Variants in SORCS1 observed in about 807,000 individuals in gnomAD.
SORCS1 encodes VPS10 domain-containing receptor SorCS1.
In SORCS1, 60 loss-of-function variants were observed where a neutral mutation model predicts 146.1. That is an observed-to-expected ratio of 0.41 (90% CI 0.33 to 0.51). The LOEUF is 0.51. Ranked by LOEUF, SORCS1 falls within the 20% of genes least tolerant of loss-of-function variation. SORCS1 has a pLI of 0.21. For missense variants in SORCS1, 1,352 were observed against 1,487.6 expected, an observed-to-expected ratio of 0.91 and a Z score of 1.50; for synonymous variants, 637 against 584.0, an observed-to-expected ratio of 1.09 and a Z score of -1.31.
Position 106,842,749 on chromosome 10 carries a change from G to A in SORCS1, c.627-13076C>T, listed in dbSNP as rs530170784. On this transcript the variant is annotated intron_variant, in intron 2 of 25. Coordinates refer to ENST00000263054, the MANE Select transcript of SORCS1 (RefSeq NM_052918.5). ...CTGCCTCTGCTTCCTGAGTAGCTGG[G>A]ATTGCAGGCATGTGTCACCATGCCC... Among the ~76,000 whole-genome samples, 5 of 151,998 alleles carry A rather than the reference G, an allele frequency of 3.3e-5. No individual in the cohort carries two copies. The South Asian group carries it at 1.0e-3, about 32-fold the overall frequency.
chr10:107,144,330 A>G (rs962229763), intron 1 of SORCS1, among the ~76,000 whole-genome samples: 5 of 152,228 alleles, frequency 3.3e-5, no homozygotes, highest in Non-Finnish European at 7.3e-5. Flanking sequence ...TAGCCCTACC[A>G]GAAAGTTAAG....
chr10:107,118,761 A>C (rs1392721403), intron 1 of SORCS1, among the ~76,000 whole-genome samples: 3 of 152,154 alleles, frequency 2.0e-5, no homozygotes, highest in Non-Finnish European at 4.4e-5. Flanking sequence ...ATAACCATAT[A>C]CTGAGTATGT....
chr10:107,074,326 T>C (rs1962700707), intron 1 of SORCS1, among the ~76,000 whole-genome samples: 1 of 152,174 alleles, frequency 6.6e-6, no homozygotes, highest in Admixed American at 6.5e-5. Context: ...TTTTTTCATT[T>C]AGTAATATGT....
intron 9 of SORCS1, among the ~76,000 whole-genome samples, chr10:106,696,748 T>C (rs1285977195): frequency 6.6e-6 from 1 of 152,226 alleles, no homozygotes; most frequent in Non-Finnish European, 1.5e-5. Flanking sequence ...AAACTAGTCA[T>C]GAAAATAGCT....
At chr10:107,020,650 G>A (rs59704000) in intron 1 of SORCS1, among the ~76,000 whole-genome samples, 16,837 of 151,962 alleles carry the variant, frequency 0.11, 2,946 homozygotes, top group African/African-American at 0.37. Flanking sequence ...AAAATAAATG[G>A]GCTGAATTTG....
At chr10:106,678,068 A>T (rs1262352536) in intron 12 of SORCS1, among the ~76,000 whole-genome samples, 2 of 152,214 alleles carry the variant, frequency 1.3e-5, no homozygotes, top group Non-Finnish European at 2.9e-5. Flanking sequence ...CACAATGGAA[A>T]CAATCTCTAG....
At chr10:107,003,261 GA>G (rs59187971) in intron 1 of SORCS1, among the ~76,000 whole-genome samples, 214 of 147,342 alleles carry the variant, frequency 1.5e-3, no homozygotes, top group African/African-American at 5.0e-3. Flanking sequence ...TCTCAAAAAG[GA>G]AAAAAAAAAG....
At chr10:107,160,499 T>C (rs1969619386) in intron 1 of SORCS1, among the ~76,000 whole-genome samples, 2 of 152,246 alleles carry the variant, frequency 1.3e-5, no homozygotes, top group South Asian at 4.1e-4. Flanking sequence ...TATTCACTAA[T>C]GTTGGATGGT....
intron 24 of SORCS1, among the ~76,000 whole-genome samples, chr10:106,589,819 T>C (rs1182613501): frequency 1.3e-5 from 2 of 151,906 alleles, no homozygotes; most frequent in East Asian, 3.9e-4. Context: ...TTGTTAAAAA[T>C]AGAAATGATA....
chr10:106,802,416 C>T (rs1946948285), intron 3 of SORCS1, among the ~76,000 whole-genome samples: 2 of 152,150 alleles, frequency 1.3e-5, no homozygotes. Context: ...ACTGCAACCT[C>T]TGCCTCCCGG....
At chr10:107,123,566 T>C (rs1966526013) in intron 1 of SORCS1, among the ~76,000 whole-genome samples, 1 of 152,164 alleles carries the variant, frequency 6.6e-6, no homozygotes, top group Non-Finnish European at 1.5e-5. Flanking sequence ...GAAACTGAGA[T>C]GTGTCCAGAG....
At chr10:106,597,043 G>T (rs1423342766) in intron 24 of SORCS1, among the ~76,000 whole-genome samples, 1 of 151,966 alleles carries the variant, frequency 6.6e-6, no homozygotes, top group Non-Finnish European at 1.5e-5. Flanking sequence ...GTACAGATGG[G>T]GTTTCACCAC....
chr10:107,008,669 T>C (rs530191697), intron 1 of SORCS1, among the ~76,000 whole-genome samples: 1 of 152,330 alleles, frequency 6.6e-6, no homozygotes, highest in East Asian at 1.9e-4. Context: ...GTCTGGGTTA[T>C]ATGAGACCAT....
At chr10:107,037,273 A>G (rs1171327319) in intron 1 of SORCS1, among the ~76,000 whole-genome samples, 2 of 152,102 alleles carry the variant, frequency 1.3e-5, no homozygotes, top group African/African-American at 4.8e-5. Context: ...TAGGAACCAA[A>G]TATATGAAGT....
intron 5 of SORCS1, among the ~76,000 whole-genome samples, chr10:106,749,005 G>T (rs1225834498): frequency 6.6e-6 from 1 of 152,174 alleles, no homozygotes. Context: ...GAACAGAAAT[G>T]CCATCATGCT....
chr10:106,882,274 T>TA (rs1564769280), intron 2 of SORCS1, among the ~76,000 whole-genome samples: 2 of 129,468 alleles, frequency 1.5e-5, no homozygotes, highest in African/African-American at 8.9e-5. Context: ...GCTGATGAGC[T>TA]TAAAAAAAAA....
intron 9 of SORCS1, among the ~76,000 whole-genome samples, chr10:106,692,789 A>C (rs1472947343): frequency 6.6e-6 from 1 of 152,202 alleles, no homozygotes; most frequent in Non-Finnish European, 1.5e-5. Context: ...TTCTACACCT[A>C]ATCATATGTG....
intron 18 of SORCS1, among the ~76,000 whole-genome samples, chr10:106,646,247 C>T (rs1438535993): frequency 6.6e-6 from 1 of 151,636 alleles, no homozygotes; most frequent in African/African-American, 2.4e-5. Context: ...AGGTAGACTC[C>T]ATCTCAAAAA....
chr10:106,800,073 C>T (rs1272525320), intron 3 of SORCS1, among the ~76,000 whole-genome samples: 1 of 152,102 alleles, frequency 6.6e-6, no homozygotes, highest in East Asian at 1.9e-4. Context: ...GAATTGTCTG[C>T]CTGCCCTATT....
Sources: gnomAD v4.1 joint callset for allele counts (sites outside exome capture counted in the v4.1 genomes callset) on GRCh38, gnomAD v4.1.1 for gene constraint, MANE v1.5 for transcripts, NCBI Gene and HGNC (gene_info 2026-07-23, HGNC 2026-07-21) for gene names.